The following ZNF280D variants were observed in gnomAD, a reference collection of about 807,000 sequenced individuals.
The protein encoded by ZNF280D is zinc finger protein 280D, also known as suppressor of hairy wing homolog 4.
Under a neutral mutation model 94.7 loss-of-function variants are expected in ZNF280D, and 39 were observed. The ratio of observed to expected loss-of-function variants is 0.41; its 90% CI spans 0.32 to 0.54. The LOEUF (loss-of-function observed/expected upper bound fraction) is 0.54. ZNF280D is among the 20% of genes least tolerant of loss of function. The pLI, the probability that ZNF280D is intolerant of heterozygous loss-of-function variation, is 0.22. For missense variants in ZNF280D, 1,090 were observed against 1,149.3 expected (o/e 0.95, Z 0.75); for synonymous variants, 398 against 377.6 (o/e 1.05, Z -0.63).
intron 9 of ZNF280D, among the ~76,000 whole-genome samples, chr15:56,688,530 A>G (rs1361423229): frequency 6.6e-6 from 1 of 151,612 alleles, no homozygotes; most frequent in Non-Finnish European, 1.5e-5. Context: ...AATTTACACA[A>G]TTATATGAAC....
intron 19 of ZNF280D, among the ~76,000 whole-genome samples, chr15:56,650,872 T>C (rs1245782023): frequency 6.6e-6 from 1 of 152,190 alleles, no homozygotes; most frequent in East Asian, 1.9e-4. Flanking sequence ...TGACTTTGCC[T>C]GTTTCATGTC....
At position 56,696,841 on chromosome 15, in the gene ZNF280D, A is replaced by T. The variant is rs535321508; in HGVS notation, c.382-3626T>A. On this transcript the variant is annotated intron_variant, in intron 6 of 21. Transcript: ENST00000267807. ...CCCAGACCAACTGGCAAAACCTCTC[A>T]TTTTTTAAAAGAACCCAAGTACTGG... Among the ~76,000 whole-genome samples the T allele has an allele frequency of 2.2e-4, 33 of 152,270 alleles. 1 individual carries two copies. In the East Asian group the frequency reaches 4.6e-3, roughly 21 times the overall value.
intron 19 of ZNF280D, among the ~76,000 whole-genome samples, chr15:56,649,187 A>G (rs1331644085): frequency 6.6e-6 from 1 of 152,134 alleles, no homozygotes; most frequent in Admixed American, 6.6e-5. Context: ...TTTGTTGGTA[A>G]TATTGAATTA....
At chr15:56,732,553 G>C (rs2058944481) in intron 1 of ZNF280D, 1 of 151,970 alleles carries the variant, frequency 6.6e-6, no homozygotes, top group African/African-American at 2.4e-5. Context: ...CACTAAAAAA[G>C]ACAAATTCTG....
chr15:56,724,538 G>A (rs1281178693), intron 1 of ZNF280D, among the ~76,000 whole-genome samples: 1 of 152,186 alleles, frequency 6.6e-6, no homozygotes. Flanking sequence ...GGTGAAGTGA[G>A]GGAAAACCAA....
At chr15:56,701,872 T>A (rs1431204264) in intron 4 of ZNF280D, among the ~76,000 whole-genome samples, 1 of 152,060 alleles carries the variant, frequency 6.6e-6, no homozygotes, top group Non-Finnish European at 1.5e-5. Context: ...ACACCAGAAG[T>A]CAATCTGAGC....
At chr15:56,721,162 C>T (rs1363827470) in intron 1 of ZNF280D, among the ~76,000 whole-genome samples, 1 of 152,056 alleles carries the variant, frequency 6.6e-6, no homozygotes, top group African/African-American at 2.4e-5. Flanking sequence ...GGGGGTTTCA[C>T]CATGTTAGCC....
At chr15:56,639,949 T>G (rs147229995) in intron 20 of ZNF280D, among the ~76,000 whole-genome samples, 3 of 151,836 alleles carry the variant, frequency 2.0e-5, no homozygotes, top group Non-Finnish European at 2.9e-5. Context: ...TTCAGACCCC[T>G]TCACTCCCCA....
At chr15:56,670,420 C>A (rs1441727727) in intron 13 of ZNF280D, among the ~76,000 whole-genome samples, 5 of 151,804 alleles carry the variant, frequency 3.3e-5, no homozygotes, top group Admixed American at 3.3e-4. Flanking sequence ...CATTTAGCTC[C>A]CACTTATAAA....
intron 9 of ZNF280D, among the ~76,000 whole-genome samples, chr15:56,688,474 A>G (rs2056194892): frequency 7.1e-6 from 1 of 140,584 alleles, no homozygotes; most frequent in Non-Finnish European, 1.5e-5. Flanking sequence ...TGGGTGACAG[A>G]GCGAGACTCC....
At chr15:56,632,172 T>G (rs774664974) in intron 21 of ZNF280D, 50 bp from the exon 22 acceptor site, 18 of 1,416,292 alleles carry the variant, frequency 1.3e-5, no homozygotes, top group Non-Finnish European at 1.6e-5. Context: ...GCAATGTTTT[T>G]GAACACTGTC....
chr15:56,635,767 A>C (rs1162882720), intron 20 of ZNF280D: 2 of 152,216 alleles, frequency 1.3e-5, no homozygotes, highest in Non-Finnish European at 2.9e-5. Flanking sequence ...CTTATTTCAA[A>C]TGTTTTACAG....
At chr15:56,688,489 CAAAAAAAA>C (rs55861049) in intron 9 of ZNF280D, among the ~76,000 whole-genome samples, 2 of 76,682 alleles carry the variant, frequency 2.6e-5, no homozygotes, top group Non-Finnish European at 2.6e-5. Flanking sequence ...GACTCCGTCT[CAAAAAAAA>C]AAAAAAAAAA....
chr15:56,670,170 T>C (rs1364750274), intron 13 of ZNF280D, among the ~76,000 whole-genome samples: 1 of 143,790 alleles, frequency 7.0e-6, no homozygotes, highest in Non-Finnish European at 1.5e-5. Flanking sequence ...TACATCACTA[T>C]GTCCATTGAA....
At chr15:56,654,344 A>G (rs781456111) in intron 18 of ZNF280D, 41 bp downstream of exon 18, 1 of 1,595,202 alleles carries the variant, frequency 6.3e-7, no homozygotes, top group Non-Finnish European at 8.5e-7. Flanking sequence ...ATACTGGAAT[A>G]AAAGTCAAAA....
chr15:56,718,795 C>A (rs751463513), intron 1 of ZNF280D, among the ~76,000 whole-genome samples: 9 of 152,164 alleles, frequency 5.9e-5, no homozygotes, highest in Non-Finnish European at 8.8e-5. Flanking sequence ...CAGTGCTTTG[C>A]TAAAAGCAAG....
rs1463260229 is a variant in ZNF280D, at chr15:56,669,919, T to A, written c.1411-962A>T. 5.2e-4 allele frequency among the ~76,000 whole-genome samples: 4 copies of A among 7,640 alleles called. 1 individual carries two copies. The highest frequency in any genetic ancestry group is 1.5e-3 in the African/African-American group (4 of 2,620). The allele number at this position is 7,640 out of a possible 152,430, so 5.0% of individuals were successfully genotyped here. A position where few individuals can be genotyped will look rare whatever the true frequency, so the allele number is the denominator to read the frequency against. On this transcript the variant is annotated intron_variant, in intron 13 of 21. Coordinates refer to ENST00000267807, the MANE Select transcript of ZNF280D (RefSeq NM_017661.4). ...ATATATATAATATATATATATTATA[T>A]ATATATTATATATATATTATATATA...
intron 1 of ZNF280D, among the ~76,000 whole-genome samples, chr15:56,723,134 C>T (rs2058457710): frequency 1.3e-5 from 2 of 151,442 alleles, no homozygotes; most frequent in African/African-American, 2.4e-5. Context: ...TGCTAGATGA[C>T]GAGTTAGTGG....
chr15:56,691,447 G>C (rs1240700218), intron 7 of ZNF280D, among the ~76,000 whole-genome samples: 1 of 152,120 alleles, frequency 6.6e-6, no homozygotes, highest in East Asian at 1.9e-4. Flanking sequence ...TTATATAGGA[G>C]GCTGGACAGT....
Sources: allele counts gnomAD v4.1 joint callset (sites outside exome capture counted in the v4.1 genomes callset), GRCh38; gene constraint gnomAD v4.1.1; transcripts MANE v1.5; gene names NCBI Gene and HGNC (gene_info 2026-07-23, HGNC 2026-07-21).